OR8B3: variants seen among roughly 807,000 people sequenced by gnomAD.
OR8B3 encodes olfactory receptor family 8 subfamily B member 3, also known as olfactory receptor 8B3.
For synonymous variants in OR8B3, 102 were observed against 135.4 expected (o/e 0.75, Z 1.71); for missense variants, 278 against 377.6 (o/e 0.74, Z 2.19).
the OR8B3 span, among the ~76,000 whole-genome samples, chr11:124,407,235 C>T: frequency 6.6e-6 from 1 of 152,158 alleles, no homozygotes; most frequent in African/African-American, 2.4e-5. Flanking sequence ...ATTTTGAGAT[C>T]TCTTGTCACC....
At chr11:124,409,041 G>A in the OR8B3 span, among the ~76,000 whole-genome samples, 25 of 152,260 alleles carry the variant, frequency 1.6e-4, no homozygotes, top group African/African-American at 5.8e-4. Flanking sequence ...ATTCTTTTCT[G>A]AGAGAAGCCA....
chr11:124,398,569 G>GA (rs1670626218), intron 1 of OR8B3, 121 bp downstream of exon 1: 1 of 152,222 alleles, frequency 6.6e-6, no homozygotes, highest in Non-Finnish European at 1.5e-5. Flanking sequence ...AACAGTGTGA[G>GA]AAAAATGCAA....
chr11:124,398,252 TC>T (rs2134208450), intron 1 of OR8B3, among the ~76,000 whole-genome samples: 1 of 141,440 alleles, frequency 7.1e-6, no homozygotes, highest in Admixed American at 7.0e-5. Flanking sequence ...CTACACATTC[TC>T]CTCTATTCCA....
Position 124,396,223 on chromosome 11 carries a change from A to G in OR8B3, c.*187T>C. ...ACAAAGATGCCATGACCTATTTAGT[A>G]AAATTGTGAGAAGTGCCAGAGATGC... is the stretch of plus-strand genomic sequence containing the variant. On this transcript the variant is annotated 3_prime_UTR_variant, in exon 2 of 2. Transcript: ENST00000641139. 3.5e-6 allele frequency: 2 copies of G among 577,742 alleles called. No homozygotes were observed. The highest frequency in any genetic ancestry group is 6.0e-6 in the Non-Finnish European group (2 of 334,810). 35.8% of individuals were successfully genotyped at this position (577,742 alleles called of 1,614,324 possible).
chr11:124,400,638 G>A (rs1002034432), upstream of OR8B3, among the ~76,000 whole-genome samples: 10 of 151,862 alleles, frequency 6.6e-5, no homozygotes, highest in Admixed American at 4.6e-4. Flanking sequence ...TCCTGGACTC[G>A]AGCAATCCTC....
upstream of OR8B3, among the ~76,000 whole-genome samples, chr11:124,399,655 T>A (rs1860956400): frequency 6.6e-6 from 1 of 152,198 alleles, no homozygotes; most frequent in African/African-American, 2.4e-5. Flanking sequence ...GCAAAAGTCA[T>A]ACGTAGATTC....
At chr11:124,401,081 T>C (rs1860986869), upstream of OR8B3, among the ~76,000 whole-genome samples, 1 of 152,146 alleles carries the variant, frequency 6.6e-6, no homozygotes, top group Admixed American at 6.5e-5. Flanking sequence ...TGACCTGCTA[T>C]AAGAGAATAC....
chr11:124,405,171 C>T, the OR8B3 span: 21 of 152,158 alleles, frequency 1.4e-4, no homozygotes. Flanking sequence ...CCCTCTTTGT[C>T]CCTAGAGGGA....
the OR8B3 span, among the ~76,000 whole-genome samples, chr11:124,407,872 A>G: frequency 6.6e-6 from 1 of 152,212 alleles, no homozygotes; most frequent in Admixed American, 6.5e-5. Context: ...TTAAATCTAC[A>G]GATCTAATAG....
At chr11:124,398,546 A>C (rs1326995837) in intron 1 of OR8B3, 144 bp downstream of exon 1, 12 of 152,232 alleles carry the variant, frequency 7.9e-5, no homozygotes, top group Admixed American at 7.9e-4. Context: ...CTAAGAATGA[A>C]GCCAACAGAG....
upstream of OR8B3, among the ~76,000 whole-genome samples, chr11:124,403,551 G>A (rs1342178034): frequency 6.6e-6 from 1 of 151,318 alleles, no homozygotes; most frequent in Admixed American, 6.6e-5. Flanking sequence ...CATCTCAGAC[G>A]ATGGGCGGCC....
chr11:124,396,572 A>C lies in OR8B3; in HGVS notation c.780T>G (p.Ile260Met), dbSNP rs1385223946. The C allele has an allele frequency of 1.7e-5, 28 of 1,613,442 alleles. No homozygotes were observed. The highest frequency in any genetic ancestry group is 4.0e-5 in the African/African-American group (3 of 74,824). ...GCTCCATAGATCCAGAAGAATATTTAATATACATGAATGCCGCTGACCCAA... is the reference window on the plus strand; with the variant it reads ...GCTCCATAGATCCAGAAGAATATTTCATATACATGAATGCCGCTGACCCAA... ...LFFGSAAFMY[I>M]KYSSGSMEQG... The change falls in exon 2 of 2, where the codon ATT becomes ATG. Residue 260 changes from isoleucine (I) to methionine (M), a missense_variant. Physicochemically the swap from Ile to Met is conservative, Grantham distance 10. Transcript: ENST00000641139.
At chr11:124,409,498 C>T in the OR8B3 span, among the ~76,000 whole-genome samples, 2 of 152,212 alleles carry the variant, frequency 1.3e-5, no homozygotes, top group Admixed American at 1.3e-4. Context: ...GTGCAATTCT[C>T]AGTTTCTTCT....
the OR8B3 span, chr11:124,404,932 G>T: frequency 5.8e-4 from 89 of 152,318 alleles, 1 homozygote; most frequent in African/African-American, 2.0e-3. Flanking sequence ...GAAGGATAGC[G>T]TGAAGAGGAA....
At chr11:124,402,441 T>C (rs945109641), upstream of OR8B3, among the ~76,000 whole-genome samples, 2 of 152,046 alleles carry the variant, frequency 1.3e-5, no homozygotes, top group African/African-American at 4.8e-5. Flanking sequence ...ATGAAAAGAG[T>C]GGGCCTGTAA....
intron 1 of OR8B3, among the ~76,000 whole-genome samples, chr11:124,398,129 A>T (rs564007985): frequency 5.9e-5 from 9 of 152,310 alleles, no homozygotes; most frequent in Admixed American, 5.9e-4. Context: ...GGGGTCTCCT[A>T]TAGGGTTTCT....
At chr11:124,403,868 C>T (rs1273458902), upstream of OR8B3, among the ~76,000 whole-genome samples, 7 of 152,184 alleles carry the variant, frequency 4.6e-5, no homozygotes, top group Admixed American at 6.5e-5. Context: ...CCCGGCACCT[C>T]GGGAGGCCGA....
Position 124,395,719 on chromosome 11 carries a change from C to A in OR8B3, c.*691G>T, listed in dbSNP as rs1162670423. On this transcript the variant is annotated 3_prime_UTR_variant, in exon 2 of 2. Coordinates refer to ENST00000641139, the MANE Select transcript of OR8B3 (RefSeq NM_001005467.2). ...CCACTTATTGGAATCCTGAGGTCCA[C>A]ATGTATTATTTCTCTAATCATCCTC... 1 of 152,168 alleles carries A rather than the reference C, an allele frequency of 6.6e-6. No homozygotes were observed. The highest frequency in any genetic ancestry group is 1.5e-5 in the Non-Finnish European group (1 of 68,042). 9.4% of individuals were successfully genotyped at this position (152,168 alleles called of 1,614,324 possible). A position where few individuals can be genotyped will look rare whatever the true frequency, so the allele number is the denominator to read the frequency against.
At chr11:124,407,783 T>A in the OR8B3 span, among the ~76,000 whole-genome samples, 1 of 152,142 alleles carries the variant, frequency 6.6e-6, no homozygotes, top group Non-Finnish European at 1.5e-5. Flanking sequence ...GTTTAAAAGT[T>A]AATTTAAACC....
Sources: gnomAD v4.1 joint callset for allele counts (sites outside exome capture counted in the v4.1 genomes callset) on GRCh38, gnomAD v4.1.1 for gene constraint, MANE v1.5 for transcripts, NCBI Gene and HGNC (gene_info 2026-07-23, HGNC 2026-07-21) for gene names.